Variants in SPTBN1 observed in about 807,000 individuals in gnomAD.
SPTBN1 encodes spectrin beta, non-erythrocytic 1.
A neutral mutation model predicts 266.4 loss-of-function variants in SPTBN1; 32 were observed. The ratio of observed to expected loss-of-function variants is 0.12; its 90% CI spans 0.09 to 0.16. The LOEUF (loss-of-function observed/expected upper bound fraction) is 0.16. Ranked by LOEUF, SPTBN1 falls within the 10% of genes least tolerant of loss-of-function variation. SPTBN1 has a pLI of 1.00. For synonymous variants in SPTBN1, 1,336 were observed against 1,162.2 expected (o/e 1.15, Z -3.04); for missense variants, 2,296 against 3,067.1 (o/e 0.75, Z 5.94).
At chr2:54,655,655 C>T (rs748075716) in intron 28 of SPTBN1, among the ~76,000 whole-genome samples, 1 of 152,236 alleles carries the variant, frequency 6.6e-6, no homozygotes, top group African/African-American at 2.4e-5. Flanking sequence ...CTCTCCTGAA[C>T]GTGTTTGCCG....
intron 2 of SPTBN1, among the ~76,000 whole-genome samples, chr2:54,556,273 C>G (rs146811776): frequency 2.0e-5 from 3 of 152,272 alleles, no homozygotes; most frequent in East Asian, 1.9e-4. Flanking sequence ...GTTATTAAAC[C>G]CTTCCCCAGT....
intron 2 of SPTBN1, among the ~76,000 whole-genome samples, chr2:54,593,108 G>A (rs1019511391): frequency 1.1e-4 from 17 of 152,198 alleles, no homozygotes; most frequent in African/African-American, 4.1e-4. Context: ...AGAATCTGAT[G>A]TAAATGCCAC....
chr2:54,486,241 C>G (rs1224989900), intron 1 of SPTBN1, among the ~76,000 whole-genome samples: 61 of 152,078 alleles, frequency 4.0e-4, no homozygotes, highest in Admixed American at 3.4e-3. Context: ...TCATTGAGAA[C>G]GGGCCAGGAT....
Position 54,558,114 on chromosome 2 carries a change from G to T in SPTBN1, c.148+31548G>T. 1.0e-6 allele frequency: 1 copy of T among 985,410 alleles called. No homozygotes were observed. Among genetic ancestry groups the T allele is most frequent in the Non-Finnish European group, 1.2e-6 (1 of 829,910 alleles). 61.0% of individuals were successfully genotyped at this position (985,410 alleles called of 1,614,324 possible). ...TTCCGTTACATGAGGCTCAACAAAA[G>T]ATTGTAATTCCAGCAGCTCTGTTTG... On this transcript the variant is annotated intron_variant, in intron 2 of 35. Transcript: ENST00000356805. The surrounding 1 kb of genome is among the most constrained non-coding windows in gnomAD (Gnocchi z 4.6).
Position 54,626,343 on chromosome 2 carries a change from C to A in SPTBN1, c.1644+109C>A. 7.6e-7 allele frequency: 1 copy of A among 1,312,572 alleles called. No homozygotes were observed. Among genetic ancestry groups the A allele is most frequent in the Non-Finnish European group, 1.0e-6 (1 of 968,190 alleles). 81.3% of individuals were successfully genotyped at this position (1,312,572 alleles called of 1,614,324 possible). On this transcript the variant is annotated intron_variant, in intron 12 of 35. Coordinates refer to ENST00000356805, the MANE Select transcript of SPTBN1 (RefSeq NM_003128.3). This position sits in a 1 kb window ranked among gnomAD's most constrained non-coding sequence, Gnocchi z 4.7. ...TACAGCTGTGTGCCTTGTCTAACTG[C>A]CCACATGTACAGCTAGAGAGGAGCC... is the stretch of plus-strand genomic sequence containing the variant.
At chr2:54,655,321 CAT>C (rs1162556296) in intron 28 of SPTBN1, 113 bp downstream of exon 28, 11 of 1,343,250 alleles carry the variant, frequency 8.2e-6, no homozygotes, top group East Asian at 2.4e-5. Flanking sequence ...TACACACACA[CAT>C]ATGTTTTAAA....
At chr2:54,467,216 T>C (rs1039018220) in intron 1 of SPTBN1, among the ~76,000 whole-genome samples, 1 of 149,476 alleles carries the variant, frequency 6.7e-6, no homozygotes, top group Non-Finnish European at 1.5e-5. Flanking sequence ...TGTAAAGTCT[T>C]GGGCTGGGAT....
At chr2:54,475,644 C>T (rs1296914147) in intron 1 of SPTBN1, among the ~76,000 whole-genome samples, 1 of 152,102 alleles carries the variant, frequency 6.6e-6, no homozygotes. Context: ...CACAGAACGG[C>T]ATTCTTACAG....
chr2:54,623,161 C>T (rs569464552), intron 9 of SPTBN1, among the ~76,000 whole-genome samples: 2 of 151,742 alleles, frequency 1.3e-5, no homozygotes, highest in East Asian at 3.9e-4. Context: ...TGAAATAATC[C>T]GTGTTGAATG....
rs973612202 is a variant in SPTBN1 at position 54,629,453 on chromosome 2, C to T, written c.2319C>T (p.Gly773=). 3.1e-6 allele frequency: 5 copies of T among 1,614,034 alleles called. No homozygotes were observed. The highest frequency in any genetic ancestry group is 4.2e-6 in the Non-Finnish European group (5 of 1,180,058). Residue 773 remains glycine (G), a synonymous_variant, in exon 14 of 36, where the codon GGC becomes GGT. Transcript: ENST00000356805. Reference sequence around the variant, plus strand: ...AGATTGTCTCCAGCAGCGACGTGGGCCACGATGAGTATTCCACACAGTCTC... The same window carrying T: ...AGATTGTCTCCAGCAGCGACGTGGGTCACGATGAGTATTCCACACAGTCTC... The part of the protein sequence containing the change: ...ILKIVSSSDV[G]HDEYSTQSLV...
At chr2:54,504,939 G>A (rs6545416) in intron 1 of SPTBN1, among the ~76,000 whole-genome samples, 1 of 152,108 alleles carries the variant, frequency 6.6e-6, no homozygotes, top group Non-Finnish European at 1.5e-5. Context: ...TTTCAGTGGG[G>A]TTGTGAAATC....
chr2:54,523,824 A>G (rs1283193503), intron 1 of SPTBN1, among the ~76,000 whole-genome samples: 1 of 152,214 alleles, frequency 6.6e-6, no homozygotes, highest in Non-Finnish European at 1.5e-5. Flanking sequence ...GCCTAGGTGC[A>G]CATCTTGGTG....
At chr2:54,576,810 G>A (rs1309365068) in intron 2 of SPTBN1, among the ~76,000 whole-genome samples, 1 of 152,212 alleles carries the variant, frequency 6.6e-6, no homozygotes, top group Non-Finnish European at 1.5e-5. Context: ...GACAGCCACG[G>A]TCTCAAATTA....
At chr2:54,516,716 C>G (rs1474178946) in intron 1 of SPTBN1, among the ~76,000 whole-genome samples, 1 of 152,178 alleles carries the variant, frequency 6.6e-6, no homozygotes, top group African/African-American at 2.4e-5. Flanking sequence ...ATGTCTGAGA[C>G]AAGTCTCAGT....
At position 54,626,246 on chromosome 2, in the gene SPTBN1, C is replaced by T. The variant is rs1379472870; in HGVS notation, c.1644+12C>T. 4.4e-6 allele frequency: 7 copies of T among 1,608,248 alleles called. No homozygotes were observed. The highest frequency in any genetic ancestry group is 1.7e-5 in the Admixed American group (1 of 59,738). On this transcript the variant is annotated intron_variant, in intron 12 of 35. Coordinates refer to ENST00000356805, the MANE Select transcript of SPTBN1 (RefSeq NM_003128.3). This position sits in a 1 kb window ranked among gnomAD's most constrained non-coding sequence, Gnocchi z 4.7. ...TGGATGAAATGAAGGTAAAACCTGA[C>T]CGAAAGGAAGGACGACAGAGCTGAT...
Position 54,665,982 on chromosome 2 carries a change from G to C in SPTBN1, c.6727G>C (p.Ala2243Pro). 1 of 1,614,124 alleles carries C rather than the reference G, an allele frequency of 6.2e-7. No individual in the cohort carries two copies. Among genetic ancestry groups the C allele is most frequent in the Non-Finnish European group, 8.5e-7 (1 of 1,180,026 alleles). ...EMGFYKDAKT[A>P]ASGIPYHSEV... is the part of the protein sequence containing the mutation. ...GGGTTTCTACAAAGATGCAAAGACT[G>C]CTGCTTCTGGAATTCCCTACCACAG... The change falls in exon 34 of 36, where the codon GCT becomes CCT. Residue 2243 changes from alanine (A) to proline (P), a missense_variant. Physicochemically the swap from Ala to Pro is conservative, Grantham distance 27 (BLOSUM62 -1). This residue lies in a region of SPTBN1 where 347 missense variants were observed against 368.5 expected (regional missense o/e 0.94). Coordinates refer to ENST00000356805, the MANE Select transcript of SPTBN1 (RefSeq NM_003128.3).
chr2:54,513,739 T>C (rs1186986561), intron 1 of SPTBN1, among the ~76,000 whole-genome samples: 1 of 152,302 alleles, frequency 6.6e-6, no homozygotes, highest in South Asian at 2.1e-4. Context: ...TTAATTTCAG[T>C]TTTTTAATAG....
intron 1 of SPTBN1, among the ~76,000 whole-genome samples, chr2:54,471,960 A>G (rs1423774222): frequency 6.8e-6 from 1 of 147,946 alleles, no homozygotes; most frequent in Non-Finnish European, 1.5e-5. Context: ...TGCTCTGCTC[A>G]CCCAACTCAC....
chr2:54,659,359 TAAC>T, intron 31 of SPTBN1, 93 bp downstream of exon 31: 1 of 1,201,912 alleles, frequency 8.3e-7, no homozygotes, highest in Non-Finnish European at 1.2e-6. Context: ...TTGCTAGGCC[TAAC>T]CACATGCCCT....
Sources: allele counts gnomAD v4.1 joint callset (sites outside exome capture counted in the v4.1 genomes callset), GRCh38; gene constraint gnomAD v4.1.1; regional missense constraint gnomAD v4.1.1; non-coding constraint Gnocchi (gnomAD v3.1); transcripts MANE v1.5; gene names NCBI Gene and HGNC (gene_info 2026-07-23, HGNC 2026-07-21).